The following IGF2BP2 variants were observed in gnomAD, a reference collection of about 807,000 sequenced individuals.
The protein encoded by IGF2BP2 is insulin-like growth factor 2 mRNA-binding protein 2.
A neutral mutation model predicts 75.8 loss-of-function variants in IGF2BP2; 17 were observed. The ratio of observed to expected loss-of-function variants is 0.22; its 90% confidence interval spans 0.15 to 0.34. The LOEUF (loss-of-function observed/expected upper bound fraction) is 0.34, where lower values mean the gene tolerates loss of function less well. IGF2BP2 is among the 10% of genes least tolerant of loss of function. The probability of loss-of-function intolerance (pLI) is 1.00; values close to 1 mark genes in which losing one functional copy is unlikely to be tolerated. For synonymous variants in IGF2BP2, 288 were observed against 295.6 expected (o/e 0.97, Z 0.26); for missense variants, 516 against 772.4 (o/e 0.67, Z 3.93).
In IGF2BP2 at chr3:185,771,897, A is replaced by C. The variant is rs142919018; in HGVS notation, c.239+51256T>G. The stretch of plus-strand genomic sequence containing the variant: ...GCAGCTCACACGGCCTCTTTGTCAC[A>C]GAGGTGGGCTTCTGGAGGCGGTGTT... On this transcript the variant is annotated intron_variant, in intron 2 of 15. Coordinates refer to ENST00000382199, the MANE Select transcript of IGF2BP2 (RefSeq NM_006548.6). 1.5e-3 allele frequency among the ~76,000 whole-genome samples: 230 copies of C among 152,238 alleles called. 1 individual carries two copies. The highest frequency in any genetic ancestry group is 5.4e-3 in the African/African-American group (223 of 41,532).
intron 11 of IGF2BP2, among the ~76,000 whole-genome samples, chr3:185,657,824 T>C (rs1715704742): frequency 6.6e-6 from 1 of 152,158 alleles, no homozygotes; most frequent in Non-Finnish European, 1.5e-5. Context: ...ACACATCTGG[T>C]ATCCGGAGAA....
At chr3:185,773,922 C>T (rs1053775600) in intron 2 of IGF2BP2, among the ~76,000 whole-genome samples, 1 of 152,188 alleles carries the variant, frequency 6.6e-6, no homozygotes, top group African/African-American at 2.4e-5. Context: ...AAGACAAATA[C>T]TTTCTCAGCT....
chr3:185,665,320 AAGGAGGAGGAGGAGG>A (rs773580962), intron 10 of IGF2BP2, among the ~76,000 whole-genome samples: 2 of 50,142 alleles, frequency 4.0e-5, no homozygotes, highest in African/African-American at 8.4e-5. Context: ...GCAGAAGGAG[AAGGAGGAGGAGGAGG>A]AGGAGGAGAA....
intron 5 of IGF2BP2, among the ~76,000 whole-genome samples, chr3:185,691,965 C>A (rs532423506): frequency 6.6e-6 from 1 of 152,238 alleles, no homozygotes; most frequent in South Asian, 2.1e-4. Context: ...TCTCAAACTC[C>A]TGGGCTCAAG....
At chr3:185,650,987 C>A (rs951647662) in intron 13 of IGF2BP2, among the ~76,000 whole-genome samples, 1 of 152,240 alleles carries the variant, frequency 6.6e-6, no homozygotes, top group African/African-American at 2.4e-5. Flanking sequence ...CAGCTCACTG[C>A]AGCCTTGAAC....
chr3:185,697,380 A>C (rs1292602982), intron 3 of IGF2BP2, among the ~76,000 whole-genome samples: 2 of 150,430 alleles, frequency 1.3e-5, no homozygotes, highest in Admixed American at 6.6e-5. Flanking sequence ...GCTGGGATTT[A>C]CAGGCGTGAG....
At position 185,698,415 on chromosome 3, in the gene IGF2BP2, C is replaced by T. The variant is rs996021539; in HGVS notation, c.240-68G>A. 6.7e-5 allele frequency: 95 copies of T among 1,415,746 alleles called. 1 individual carries two copies. Among genetic ancestry groups the T allele is most frequent in the Middle Eastern group, 3.5e-4 (2 of 5,702 alleles). The allele number at this position is 1,415,746 out of a possible 1,614,324, so 87.7% of individuals were successfully genotyped here. Reference sequence around the variant, plus strand: ...ACAAACTACAGCAAATAATAAAAACCGGCTTAAACCCGTCATTTGAATTTG... The same window carrying T: ...ACAAACTACAGCAAATAATAAAAACTGGCTTAAACCCGTCATTTGAATTTG... On this transcript the variant is annotated intron_variant, in intron 2 of 15. Transcript: ENST00000382199.
At chr3:185,784,308 G>A (rs1307089549) in intron 2 of IGF2BP2, among the ~76,000 whole-genome samples, 3 of 149,868 alleles carry the variant, frequency 2.0e-5, no homozygotes, top group African/African-American at 7.6e-5. Context: ...GTTTACAGAG[G>A]TCACTTTGAT....
intron 10 of IGF2BP2, among the ~76,000 whole-genome samples, chr3:185,671,393 T>A (rs182638186): frequency 6.6e-6 from 1 of 151,894 alleles, no homozygotes; most frequent in East Asian, 1.9e-4. Flanking sequence ...TAAAATTAGC[T>A]GGGTGTGGTG....
rs553196158 is a variant in IGF2BP2 at position 185,745,009 on chromosome 3, T to C, written c.240-46662A>G. The stretch of plus-strand genomic sequence containing the variant: ...AAGGACCAGAGGGCCTTTATTTCTA[T>C]TTCACAGAAAGTAACATCGTGTGGA... On this transcript the variant is annotated intron_variant, in intron 2 of 15. Coordinates refer to ENST00000382199, the MANE Select transcript of IGF2BP2 (RefSeq NM_006548.6). Among the ~76,000 whole-genome samples the C allele has an allele frequency of 2.6e-5, 4 of 152,322 alleles. No individual in the cohort carries two copies. The East Asian group carries it at 7.7e-4, about 29-fold the overall frequency.
intron 10 of IGF2BP2, among the ~76,000 whole-genome samples, chr3:185,664,802 T>C (rs1442983000): frequency 2.0e-5 from 3 of 152,066 alleles, no homozygotes; most frequent in Middle Eastern, 3.2e-3. Context: ...TTGCTATAAC[T>C]TTCCTCTTCT....
chr3:185,793,172 G>A (rs1736876625), intron 2 of IGF2BP2, among the ~76,000 whole-genome samples: 1 of 152,160 alleles, frequency 6.6e-6, no homozygotes, highest in Admixed American at 6.5e-5. Flanking sequence ...TTGCAGTCCA[G>A]CACACTCTGC....
chr3:185,751,300 G>A (rs895046018), intron 2 of IGF2BP2, among the ~76,000 whole-genome samples: 4 of 152,136 alleles, frequency 2.6e-5, no homozygotes, highest in East Asian at 1.9e-4. Flanking sequence ...TGAAGGGGTC[G>A]GGTGTGGTGG....
intron 2 of IGF2BP2, chr3:185,716,601 C>T (rs574198902): frequency 9.6e-6 from 5 of 519,928 alleles, no homozygotes; most frequent in Non-Finnish European, 1.9e-5. Flanking sequence ...AATTTACCTC[C>T]TACTTTTCTT....
chr3:185,761,734 G>T (rs1346825647), intron 2 of IGF2BP2, among the ~76,000 whole-genome samples: 1 of 152,150 alleles, frequency 6.6e-6, no homozygotes. Flanking sequence ...TTGTTTATAT[G>T]TTCCAACCCT....
intron 2 of IGF2BP2, among the ~76,000 whole-genome samples, chr3:185,763,269 C>G (rs529737313): frequency 6.6e-6 from 1 of 152,086 alleles, no homozygotes; most frequent in Admixed American, 6.6e-5. Context: ...TTTGTTTTTT[C>G]CATTTTAAAA....
intron 2 of IGF2BP2, among the ~76,000 whole-genome samples, chr3:185,799,339 A>G (rs1737869558): frequency 6.6e-6 from 1 of 152,178 alleles, no homozygotes; most frequent in Non-Finnish European, 1.5e-5. Flanking sequence ...CGGAGGCTGC[A>G]GTGAGCAGCT....
chr3:185,655,074 C>T (rs752416938), intron 12 of IGF2BP2, among the ~76,000 whole-genome samples: 1 of 152,224 alleles, frequency 6.6e-6, no homozygotes, highest in Non-Finnish European at 1.5e-5. Context: ...GCTTTAGAGA[C>T]AGATGTTTTC....
chr3:185,718,309 A>G (rs1467989523), intron 2 of IGF2BP2: 3 of 152,282 alleles, frequency 2.0e-5, no homozygotes, highest in African/African-American at 7.2e-5. Flanking sequence ...ACCTTGGACT[A>G]GTGGGGCAGA....
Sources: gnomAD v4.1 joint callset for allele counts (sites outside exome capture counted in the v4.1 genomes callset) on GRCh38, gnomAD v4.1.1 for gene constraint, MANE v1.5 for transcripts, NCBI Gene and HGNC (gene_info 2026-07-23, HGNC 2026-07-21) for gene names.